SPSB4: variants seen among roughly 807,000 people sequenced by gnomAD.
SPSB4 encodes the protein SPRY domain-containing SOCS box protein 4.
Under a neutral mutation model 20.9 loss-of-function variants are expected in SPSB4, and 21 were observed. The observed-to-expected ratio is 1.01, with a 90% CI of 0.71 to 1.45. The LOEUF (loss-of-function observed/expected upper bound fraction) is 1.45. Among genes scored for constraint, SPSB4 ranks in the 40% most tolerant of loss-of-function variants. The pLI is 0.00. For missense variants in SPSB4, 399 were observed against 399.2 expected, an observed-to-expected ratio of 1.00 and a Z score of 0.00; for synonymous variants, 207 against 183.8, an observed-to-expected ratio of 1.13 and a Z score of -1.02.
chr3:141,052,166 C>T (rs1212498871), intron 1 of SPSB4, among the ~76,000 whole-genome samples, 174 bp downstream of exon 1: 2 of 152,308 alleles, frequency 1.3e-5, no homozygotes, highest in African/African-American at 4.8e-5. Context: ...TGCGCGCAGC[C>T]CTGGGGCGTT....
At position 141,146,505 on chromosome 3, in the gene SPSB4, G is replaced by A. The variant is rs571355145; in HGVS notation, c.695-637G>A. Among the ~76,000 whole-genome samples, 20 of 152,278 alleles carry A rather than the reference G, an allele frequency of 1.3e-4. No individual in the cohort carries two copies. In the East Asian group the frequency reaches 2.1e-3, roughly 16 times the overall value. Reference sequence around the variant, plus strand: ...CATTAAGACACACCAGGCCGGGCGCGGTGGCTCACGCCTGTAATCCCAGCA... The same window carrying A: ...CATTAAGACACACCAGGCCGGGCGCAGTGGCTCACGCCTGTAATCCCAGCA... On this transcript the variant is annotated intron_variant, in intron 2 of 2. Coordinates refer to ENST00000310546, the MANE Select transcript of SPSB4 (RefSeq NM_080862.3).
chr3:141,087,381 T>C (rs997233877), intron 2 of SPSB4, among the ~76,000 whole-genome samples: 24 of 152,062 alleles, frequency 1.6e-4, no homozygotes, highest in African/African-American at 5.3e-4. Context: ...AGTGAAGTGG[T>C]AGGAAGCACC....
At chr3:141,127,632 G>T (rs1406085401) in intron 2 of SPSB4, among the ~76,000 whole-genome samples, 1 of 152,120 alleles carries the variant, frequency 6.6e-6, no homozygotes, top group Non-Finnish European at 1.5e-5. Context: ...TCACTGCCAG[G>T]ATTAAATGTG....
intron 2 of SPSB4, among the ~76,000 whole-genome samples, chr3:141,095,105 G>C (rs986829097): frequency 6.6e-6 from 1 of 152,142 alleles, no homozygotes; most frequent in Non-Finnish European, 1.5e-5. Flanking sequence ...ATTTGAGTTA[G>C]AGGTGGGGAA....
chr3:141,117,457 G>T (rs1013787855), intron 2 of SPSB4, among the ~76,000 whole-genome samples: 4 of 152,156 alleles, frequency 2.6e-5, no homozygotes, highest in African/African-American at 9.7e-5. Context: ...CTTTGAGTTT[G>T]GTTGGGGCCA....
intron 2 of SPSB4, among the ~76,000 whole-genome samples, chr3:141,074,470 A>T (rs567397452): frequency 6.6e-6 from 1 of 152,330 alleles, no homozygotes; most frequent in East Asian, 1.9e-4. Context: ...GAAGGATTTC[A>T]CACGAGGGAA....
chr3:141,130,475 A>T (rs1939115572), intron 2 of SPSB4, among the ~76,000 whole-genome samples: 1 of 152,220 alleles, frequency 6.6e-6, no homozygotes, highest in African/African-American at 2.4e-5. Flanking sequence ...CCCTGAAAAC[A>T]AACAGTGCTC....
intron 2 of SPSB4, chr3:141,077,241 C>G (rs1161329308): frequency 1.3e-5 from 2 of 152,222 alleles, no homozygotes; most frequent in African/African-American, 4.8e-5. Flanking sequence ...GCCGAGACAG[C>G]GTGAGCTTGG....
chr3:141,136,330 G>A (rs1311125202), intron 2 of SPSB4, among the ~76,000 whole-genome samples: 24 of 152,126 alleles, frequency 1.6e-4, no homozygotes, highest in African/African-American at 5.6e-4. Context: ...CTGTGCAGAA[G>A]CTCTTTAGTT....
chr3:141,079,167 A>G (rs1272777586), intron 2 of SPSB4, among the ~76,000 whole-genome samples: 2 of 151,888 alleles, frequency 1.3e-5, no homozygotes, highest in African/African-American at 2.4e-5. Flanking sequence ...AGGCTGAGGC[A>G]GGAGGATGGC....
intron 2 of SPSB4, among the ~76,000 whole-genome samples, chr3:141,096,365 T>C (rs1026679048): frequency 5.2e-4 from 79 of 152,240 alleles, no homozygotes; most frequent in Admixed American, 4.1e-3. Flanking sequence ...ATACTTCTTT[T>C]GATGCAGCCT....
intron 2 of SPSB4, among the ~76,000 whole-genome samples, chr3:141,136,228 T>A (rs1183251322): frequency 6.6e-6 from 1 of 152,226 alleles, no homozygotes; most frequent in Non-Finnish European, 1.5e-5. Flanking sequence ...CTTTGTAGAT[T>A]CTGGTTATTA....
At chr3:141,063,745 G>C (rs59932227) in intron 1 of SPSB4, among the ~76,000 whole-genome samples, 16 of 152,260 alleles carry the variant, frequency 1.1e-4, no homozygotes, top group African/African-American at 3.4e-4. Context: ...ATCCTGTGCT[G>C]GTTCCTCTTT....
intron 2 of SPSB4, chr3:141,076,813 A>C (rs1323405744): frequency 6.6e-6 from 1 of 152,276 alleles, no homozygotes; most frequent in Non-Finnish European, 1.5e-5. Flanking sequence ...TGAAGCCAGC[A>C]TTGGCAGGCC....
At chr3:141,116,938 C>A (rs1377013076) in intron 2 of SPSB4, 1 of 152,118 alleles carries the variant, frequency 6.6e-6, no homozygotes, top group Non-Finnish European at 1.5e-5. Context: ...GTGGCAGAAG[C>A]CACAGGTCAC....
intron 2 of SPSB4, among the ~76,000 whole-genome samples, chr3:141,088,367 C>T (rs147684426): frequency 1.8e-4 from 27 of 152,280 alleles, no homozygotes; most frequent in Admixed American, 1.2e-3. Context: ...AATTTTCCTG[C>T]GTCTTTGCGC....
chr3:141,074,785 G>A (rs748651806), intron 2 of SPSB4, among the ~76,000 whole-genome samples: 12 of 152,240 alleles, frequency 7.9e-5, no homozygotes, highest in South Asian at 4.1e-4. Context: ...CCTGAGGGCC[G>A]GCGTCCACCT....
At chr3:141,074,928 C>G (rs1938077610) in intron 2 of SPSB4, among the ~76,000 whole-genome samples, 1 of 152,206 alleles carries the variant, frequency 6.6e-6, no homozygotes, top group South Asian at 2.1e-4. Context: ...GCCCCAGACA[C>G]AGGGATAGAA....
At chr3:141,091,965 C>T (rs1361576176) in intron 2 of SPSB4, among the ~76,000 whole-genome samples, 2 of 152,200 alleles carry the variant, frequency 1.3e-5, no homozygotes, top group African/African-American at 4.8e-5. Flanking sequence ...GTCTCTGGAG[C>T]CTGCTCAGCC....
Sources: gnomAD v4.1 joint callset for allele counts (sites outside exome capture counted in the v4.1 genomes callset) on GRCh38, gnomAD v4.1.1 for gene constraint, MANE v1.5 for transcripts, NCBI Gene and HGNC (gene_info 2026-07-23, HGNC 2026-07-21) for gene names.